Variants in MAP3K20 observed in about 807,000 individuals in gnomAD.
MAP3K20 encodes mitogen-activated protein kinase kinase kinase 20.
Under a neutral mutation model 85.7 loss-of-function variants are expected in MAP3K20, and 40 were observed. The ratio of observed to expected loss-of-function variants is 0.47; its 90% CI spans 0.36 to 0.61. The LOEUF (loss-of-function observed/expected upper bound fraction) is 0.61. Ranked by LOEUF, MAP3K20 falls within the 20% of genes least tolerant of loss-of-function variation. The pLI, the probability that MAP3K20 is intolerant of heterozygous loss-of-function variation, is 0.00. For missense variants in MAP3K20, 817 were observed against 961.7 expected, an observed-to-expected ratio of 0.85 and a Z score of 1.99; for synonymous variants, 325 against 327.7, an observed-to-expected ratio of 0.99 and a Z score of 0.09.
At chr2:173,240,978 G>A (rs765776030) in intron 16 of MAP3K20, among the ~76,000 whole-genome samples, 2 of 152,140 alleles carry the variant, frequency 1.3e-5, no homozygotes, top group African/African-American at 2.4e-5. Flanking sequence ...GGATGGAACC[G>A]GAGGATATTA....
chr2:173,189,468 T>G (rs1331015912), intron 5 of MAP3K20, among the ~76,000 whole-genome samples: 1 of 152,200 alleles, frequency 6.6e-6, no homozygotes, highest in African/African-American at 2.4e-5. Context: ...CCTCTTATGC[T>G]CTGAGTCTTG....
intron 11 of MAP3K20, among the ~76,000 whole-genome samples, chr2:173,217,980 A>G (rs765896575): frequency 1.2e-4 from 19 of 152,344 alleles, no homozygotes; most frequent in Non-Finnish European, 2.1e-4. Flanking sequence ...TTTAAATGGC[A>G]TAACATTTTC....
chr2:173,158,491 G>A (rs1205973753), intron 2 of MAP3K20, among the ~76,000 whole-genome samples: 3 of 152,130 alleles, frequency 2.0e-5, no homozygotes, highest in Non-Finnish European at 2.9e-5. Context: ...TCATTTTTGA[G>A]AGTCAAGTAA....
chr2:173,177,705 C>T (rs1278974603), intron 3 of MAP3K20, among the ~76,000 whole-genome samples: 1 of 152,130 alleles, frequency 6.6e-6, no homozygotes, highest in Non-Finnish European at 1.5e-5. Flanking sequence ...GTTGGGATTA[C>T]AGGCGTGAGC....
In MAP3K20 at chr2:173,150,423, GT is replaced by G. The variant is rs576525592; in HGVS notation, c.160-19381del. Among the ~76,000 whole-genome samples, 84 of 152,234 alleles carry G rather than the reference GT, an allele frequency of 5.5e-4. No homozygotes were observed. The East Asian group carries it at 8.9e-3, about 16-fold the overall frequency. On this transcript the variant is annotated intron_variant, in intron 2 of 19. Transcript: ENST00000375213. ...TTCTCTAGATTCTCTTTGATTTGTG[GT>G]CAGTGTCCTACACAGGGTTGTTTCA...
chr2:173,164,110 C>T (rs1689744869), intron 2 of MAP3K20, among the ~76,000 whole-genome samples: 1 of 152,092 alleles, frequency 6.6e-6, no homozygotes. Flanking sequence ...CAGGTGTGTG[C>T]CACCATGCCC....
chr2:173,245,200 T>C lies in MAP3K20; in HGVS notation c.1359+5704T>C, dbSNP rs144875459. ...AAGAGCAAGCCAGGAAAATATTACC[T>C]TATACACAAATAGGTAAAGGAAAAA... On this transcript the variant is annotated intron_variant, in intron 16 of 19. Transcript: ENST00000375213. 3.2e-3 allele frequency among the ~76,000 whole-genome samples: 494 copies of C among 152,272 alleles called. 1 individual carries two copies. Among genetic ancestry groups the C allele is most frequent in the African/African-American group, 0.011 (444 of 41,558 alleles).
At chr2:173,226,599 G>A (rs113777992) in intron 11 of MAP3K20, 15 of 985,820 alleles carry the variant, frequency 1.5e-5, no homozygotes, top group East Asian at 1.1e-4. Context: ...AAGACTAGCC[G>A]TGTTTTCTCA....
chr2:173,145,254 AAG>A (rs1689105080), intron 2 of MAP3K20, among the ~76,000 whole-genome samples: 1 of 152,154 alleles, frequency 6.6e-6, no homozygotes, highest in South Asian at 2.1e-4. Context: ...CTCAAAAAAA[AAG>A]AAAAAAAAAT....
chr2:173,222,523 G>A, intron 11 of MAP3K20: 1 of 985,804 alleles, frequency 1.0e-6, no homozygotes, highest in Non-Finnish European at 1.2e-6. Context: ...GGTCTTAAGG[G>A]GATGCTTCCA....
At chr2:173,104,545 C>T (rs1687731131) in intron 2 of MAP3K20, among the ~76,000 whole-genome samples, 1 of 152,060 alleles carries the variant, frequency 6.6e-6, no homozygotes, top group South Asian at 2.1e-4. Context: ...AGTGAAATGT[C>T]AATAAAGCCT....
At position 173,148,186 on chromosome 2, in the gene MAP3K20, C is replaced by G. The variant is rs963257973; in HGVS notation, c.160-21619C>G. Among the ~76,000 whole-genome samples the G allele has an allele frequency of 7.2e-5, 11 of 152,164 alleles. 1 individual carries two copies. On this transcript the variant is annotated intron_variant, in intron 2 of 19. Transcript: ENST00000375213. Reference sequence around the variant, plus strand: ...TGCCCCTTTATCCTCCCCTGTCCCCCCTCACACCAGTTCTCGTCTGTCTTT... The same window carrying G: ...TGCCCCTTTATCCTCCCCTGTCCCCGCTCACACCAGTTCTCGTCTGTCTTT...
chr2:173,115,533 T>G (rs941010729), intron 2 of MAP3K20, among the ~76,000 whole-genome samples: 31 of 152,236 alleles, frequency 2.0e-4, no homozygotes, highest in African/African-American at 7.2e-4. Context: ...TCCTTCTCAT[T>G]TGGGTAGGCT....
intron 2 of MAP3K20, among the ~76,000 whole-genome samples, chr2:173,133,233 G>A (rs944334222): frequency 1.3e-5 from 2 of 152,186 alleles, no homozygotes; most frequent in African/African-American, 2.4e-5. Flanking sequence ...TTGTATCAGT[G>A]TTTTTATCCA....
chr2:173,242,317 G>A (rs913392918), intron 16 of MAP3K20, among the ~76,000 whole-genome samples: 9 of 151,554 alleles, frequency 5.9e-5, no homozygotes, highest in Non-Finnish European at 2.9e-5. Context: ...TTACAGTCGC[G>A]TGCCAACACA....
intron 16 of MAP3K20, among the ~76,000 whole-genome samples, chr2:173,253,484 GC>G (rs1685088409): frequency 6.6e-6 from 1 of 152,030 alleles, no homozygotes; most frequent in Non-Finnish European, 1.5e-5. Flanking sequence ...GCCCCACCTT[GC>G]CCCACAATGT....
chr2:173,140,157 G>A (rs1162960934), intron 2 of MAP3K20, among the ~76,000 whole-genome samples: 4 of 151,646 alleles, frequency 2.6e-5, no homozygotes, highest in African/African-American at 4.8e-5. Context: ...AATTACAGGC[G>A]CGTGCCACCA....
At chr2:173,194,096 A>C (rs980471361) in intron 7 of MAP3K20, among the ~76,000 whole-genome samples, 8 of 152,178 alleles carry the variant, frequency 5.3e-5, no homozygotes, top group Non-Finnish European at 1.2e-4. Context: ...TCAGTGAGTG[A>C]GTCTATTTTA....
chr2:173,234,536 G>A (rs114735911), intron 14 of MAP3K20, among the ~76,000 whole-genome samples: 2,303 of 152,258 alleles, frequency 0.015, 19 homozygotes, highest in Admixed American at 0.022. Flanking sequence ...GAGATGGAGA[G>A]GGTAAACTTC....
Sources: gnomAD v4.1 joint callset for allele counts (sites outside exome capture counted in the v4.1 genomes callset) on GRCh38, gnomAD v4.1.1 for gene constraint, MANE v1.5 for transcripts, NCBI Gene and HGNC (gene_info 2026-07-23, HGNC 2026-07-21) for gene names.